Variants in ANO3 observed in about 807,000 individuals in gnomAD.
The protein encoded by ANO3 is anoctamin-3.
Under a neutral mutation model 144.8 loss-of-function variants are expected in ANO3, and 99 were observed. That is an observed-to-expected ratio of 0.68 (90% CI 0.58 to 0.81). The LOEUF is 0.81. Ranked by LOEUF, ANO3 falls within the 30% of genes least tolerant of loss-of-function variation. The pLI is 0.00. For missense variants in ANO3, 905 were observed against 1,202.2 expected (o/e 0.75, Z 3.66); for synonymous variants, 414 against 392.6 (o/e 1.05, Z -0.64).
chr11:26,344,363 A>C (rs1855444679), intron 1 of ANO3, among the ~76,000 whole-genome samples: 1 of 110,996 alleles, frequency 9.0e-6, no homozygotes, highest in Non-Finnish European at 1.7e-5. Context: ...TGAGAAAAAT[A>C]TTGTCTTTTT....
At chr11:26,249,211 C>T (rs1852869791) in intron 1 of ANO3, among the ~76,000 whole-genome samples, 1 of 152,148 alleles carries the variant, frequency 6.6e-6, no homozygotes, top group Admixed American at 6.5e-5. Flanking sequence ...CATGTTTAAA[C>T]AAGACCCGCT....
chr11:26,358,171 T>TTTA (rs367771545), intron 1 of ANO3, among the ~76,000 whole-genome samples: 729 of 2,714 alleles, frequency 0.27, 7 homozygotes, highest in Middle Eastern at 0.5. Flanking sequence ...CAATTTCAAC[T>TTTA]TTTTTTTTTT....
At chr11:26,218,058 A>G (rs1331019322) in intron 1 of ANO3, among the ~76,000 whole-genome samples, 3 of 152,180 alleles carry the variant, frequency 2.0e-5, no homozygotes, top group African/African-American at 7.2e-5. Flanking sequence ...CAGGAAAATC[A>G]TAATAATTCT....
chr11:26,572,305 G>A (rs1850860682), intron 14 of ANO3: 1 of 903,960 alleles, frequency 1.1e-6, no homozygotes, highest in Admixed American at 6.2e-5. Flanking sequence ...AACAACAAAA[G>A]CCCAACCCTC....
intron 4 of ANO3, among the ~76,000 whole-genome samples, chr11:26,469,274 G>T (rs1859697871): frequency 6.6e-6 from 1 of 151,906 alleles, no homozygotes; most frequent in Non-Finnish European, 1.5e-5. Context: ...AGAGTTTTCA[G>T]AGTTGCTTCA....
rs1445728062 is a variant in ANO3 at position 26,408,304 on chromosome 11, A to T, written c.47-33614A>T. Among the ~76,000 whole-genome samples, 37 of 151,810 alleles carry T rather than the reference A, an allele frequency of 2.4e-4. 4 individuals are homozygous for T. The highest frequency in any genetic ancestry group is 2.0e-3 in the Admixed American group (31 of 15,224). On this transcript the variant is annotated intron_variant, in intron 1 of 26. Transcript: ENST00000256737. ...AAAAAAACAAACAACCCCATCAAAAAGTGGGCGAAGGATATGAACAGACAC... is the reference window on the plus strand; with the variant it reads ...AAAAAAACAAACAACCCCATCAAAATGTGGGCGAAGGATATGAACAGACAC...
chr11:26,231,079 A>C (rs1852387456), intron 1 of ANO3, among the ~76,000 whole-genome samples: 1 of 151,784 alleles, frequency 6.6e-6, no homozygotes, highest in Non-Finnish European at 1.5e-5. Context: ...GGGTTTCAAC[A>C]TGTTGGTCAG....
At chr11:26,326,780 G>C (rs1208817909) in intron 1 of ANO3, among the ~76,000 whole-genome samples, 1 of 152,150 alleles carries the variant, frequency 6.6e-6, no homozygotes, top group Non-Finnish European at 1.5e-5. Context: ...TATCAGAAGA[G>C]ACATTAGCAA....
chr11:26,563,163 G>C, intron 14 of ANO3: 1 of 1,612,106 alleles, frequency 6.2e-7, no homozygotes, highest in Non-Finnish European at 8.5e-7. Context: ...AAATGAATCC[G>C]TTTTCCTTTT....
At chr11:26,216,995 T>A (rs1852047051) in intron 1 of ANO3, among the ~76,000 whole-genome samples, 1 of 152,050 alleles carries the variant, frequency 6.6e-6, no homozygotes, top group African/African-American at 2.4e-5. Context: ...CTGTAAATAT[T>A]TTTCTCCGAA....
At chr11:26,659,302 C>A (rs1034603006) in intron 26 of ANO3, among the ~76,000 whole-genome samples, 1 of 151,912 alleles carries the variant, frequency 6.6e-6, no homozygotes, top group South Asian at 2.1e-4. Flanking sequence ...CAGATTCAAG[C>A]AGCCTCATTC....
chr11:26,328,714 G>A (rs1390032909), upstream of ANO3, among the ~76,000 whole-genome samples: 2 of 152,006 alleles, frequency 1.3e-5, no homozygotes, highest in African/African-American at 2.4e-5. Context: ...AAACATGAAG[G>A]GGAACGAAAC....
intron 1 of ANO3, among the ~76,000 whole-genome samples, chr11:26,202,883 G>A (rs1851725359): frequency 6.6e-6 from 1 of 152,054 alleles, no homozygotes; most frequent in South Asian, 2.1e-4. Flanking sequence ...ATTCTTCAAA[G>A]CAGGGATCAT....
chr11:26,528,860 T>C (rs1205136788), intron 7 of ANO3, among the ~76,000 whole-genome samples: 1 of 151,406 alleles, frequency 6.6e-6, no homozygotes, highest in Admixed American at 6.6e-5. Context: ...GAGGTGATAT[T>C]TTATTATTTT....
At chr11:26,192,075 T>G (rs1169462215) in intron 1 of ANO3, among the ~76,000 whole-genome samples, 2 of 152,202 alleles carry the variant, frequency 1.3e-5, no homozygotes, top group African/African-American at 2.4e-5. Flanking sequence ...TTTGTTTAAG[T>G]CAAGTTATAT....
intron 7 of ANO3, among the ~76,000 whole-genome samples, chr11:26,526,609 T>C (rs1433001203): frequency 1.3e-5 from 2 of 152,166 alleles, no homozygotes; most frequent in African/African-American, 4.8e-5. Flanking sequence ...TTTCAAACTT[T>C]TAGAAATCAG....
At chr11:26,431,036 GTGA>G (rs1319672026) in intron 1 of ANO3, among the ~76,000 whole-genome samples, 2 of 152,186 alleles carry the variant, frequency 1.3e-5, no homozygotes, top group African/African-American at 4.8e-5. Flanking sequence ...TTTTACATCT[GTGA>G]TGTTCAGTAT....
At chr11:26,310,516 T>A (rs1360752007) in intron 1 of ANO3, among the ~76,000 whole-genome samples, 1 of 152,150 alleles carries the variant, frequency 6.6e-6, no homozygotes, top group African/African-American at 2.4e-5. Flanking sequence ...AATACCAAAC[T>A]GAGAGGTGTA....
chr11:26,369,604 T>C (rs1267732944), intron 1 of ANO3, among the ~76,000 whole-genome samples: 4 of 152,182 alleles, frequency 2.6e-5, no homozygotes, highest in Admixed American at 1.3e-4. Flanking sequence ...CCTTGATACT[T>C]CTCCAGTTTA....
Sources: allele counts gnomAD v4.1 joint callset (sites outside exome capture counted in the v4.1 genomes callset), GRCh38; gene constraint gnomAD v4.1.1; transcripts MANE v1.5; gene names NCBI Gene and HGNC (gene_info 2026-07-23, HGNC 2026-07-21).